Variants in ATN1 observed in about 807,000 individuals in gnomAD.
ATN1 encodes atrophin-1.
In ATN1, 19 loss-of-function variants were observed where a neutral mutation model predicts 85.8. That is an observed-to-expected ratio of 0.22 (90% CI 0.15 to 0.32). The LOEUF is 0.32. Among genes scored for constraint, ATN1 ranks in the 10% least tolerant of loss-of-function variants. ATN1 has a pLI of 1.00. For synonymous variants in ATN1, 674 were observed against 657.0 expected (o/e 1.03, Z -0.39); for missense variants, 1,453 against 1,564.5 (o/e 0.93, Z 1.20).
At chr12:6,933,705 T>C in intron 1 of ATN1, 135 bp from the exon 2 acceptor site, 1 of 499,174 alleles carries the variant, frequency 2.0e-6, no homozygotes, top group Non-Finnish European at 3.6e-6. Flanking sequence ...ATGCCAGCAA[T>C]GTCTTGTGGT....
chr12:6,934,529 C>G lies in ATN1; in HGVS notation c.230C>G (p.Ser77Ter). The part of the protein sequence containing the change: ...VNKQGRSEEI[S>*]ESESEETNAP... ...AAGCAGGGTCGGAGTGAGGAGATCT[C>G]AGAGAGTGAAAGTGAGGAGACCAAT... The change falls in exon 4 of 10, where the codon TCA (serine) becomes TGA (stop). Residue 77 changes from serine to a stop codon, truncating the protein, a stop_gained. Coordinates refer to ENST00000396684, the MANE Select transcript of ATN1 (RefSeq NM_001940.4). LOFTEE classifies it high-confidence loss of function. This position sits in a 1 kb window ranked among gnomAD's most constrained non-coding sequence, Gnocchi z 4.5. 6.3e-7 allele frequency: 1 copy of G among 1,580,956 alleles called. No homozygotes were observed. Among genetic ancestry groups the G allele is most frequent in the Non-Finnish European group, 8.6e-7 (1 of 1,162,826 alleles).
Position 6,934,025 on chromosome 12 carries a change from C to T in ATN1, c.24C>T (p.Asp8=). The change falls in exon 2 of 10, where the codon GAC becomes GAT. Residue 8 remains aspartate (D), a synonymous_variant. Transcript: ENST00000396684. This position sits in a 1 kb window ranked among gnomAD's most constrained non-coding sequence, Gnocchi z 4.5. Reference sequence around the variant, plus strand: ...GAATGAAGACACGACAGAATAAAGACTCGGTGAGTTAAAATGAGAGACATG... The same window carrying T: ...GAATGAAGACACGACAGAATAAAGATTCGGTGAGTTAAAATGAGAGACATG... MKTRQNK[D]SMSMRSGRKK... 6.2e-7 allele frequency: 1 copy of T among 1,609,080 alleles called. No individual in the cohort carries two copies.
intron 1 of ATN1, 84 bp from the exon 2 acceptor site, chr12:6,933,756 T>A: frequency 3.4e-6 from 2 of 591,608 alleles, no homozygotes; most frequent in South Asian, 4.1e-5. Context: ...TTGGGCCGCT[T>A]GCTCAGTTCT....
intron 1 of ATN1, among the ~76,000 whole-genome samples, chr12:6,928,893 G>T (rs1361700520): frequency 6.6e-6 from 1 of 152,178 alleles, no homozygotes; most frequent in Admixed American, 6.5e-5. Context: ...AGTGGGAAAC[G>T]GGAAAGGGGT....
chr12:6,941,617 A>G lies in ATN1; in HGVS notation c.3539+63A>G. On this transcript the variant is annotated intron_variant, in intron 9 of 9. Transcript: ENST00000396684. The surrounding 1 kb of genome is among the most constrained non-coding windows in gnomAD (Gnocchi z 5.9). ...AGCGAGCCTGGGAGGAGCTGTGGGC[A>G]TGGTACGGCTGGGCACCGTGCTCCT... 6.2e-7 allele frequency: 1 copy of G among 1,604,680 alleles called. No individual in the cohort carries two copies. Among genetic ancestry groups the G allele is most frequent in the Non-Finnish European group, 8.5e-7 (1 of 1,172,540 alleles).
At position 6,928,232 on chromosome 12, in the gene ATN1, C is replaced by T. The variant is rs1287636536; in HGVS notation, c.-315C>T. ...AAAAGGGGGGATGGGGGCCGCCCTC[C>T]GGGGGGGTCGGGGCCGCCGCCGCCG... On this transcript the variant is annotated 5_prime_UTR_variant, in exon 1 of 10. Coordinates refer to ENST00000396684, the MANE Select transcript of ATN1 (RefSeq NM_001940.4). 1.7e-5 allele frequency: 1 copy of T among 58,182 alleles called. No individual in the cohort carries two copies. Among genetic ancestry groups the T allele is most frequent in the African/African-American group, 6.6e-5 (1 of 15,088 alleles). The allele number at this position is 58,182 out of a possible 1,614,324, so 3.6% of individuals were successfully genotyped here.
Position 6,927,962 on chromosome 12 carries a change from C to T in ATN1, c.-585C>T, listed in dbSNP as rs1555142756. Among the ~76,000 whole-genome samples the T allele has an allele frequency of 1.4e-5, 2 of 145,928 alleles. No individual in the cohort carries two copies. The highest frequency in any genetic ancestry group is 3.0e-5 in the Non-Finnish European group (2 of 65,812). On this transcript the variant is annotated 5_prime_UTR_variant, in exon 1 of 10. Coordinates refer to ENST00000396684, the MANE Select transcript of ATN1 (RefSeq NM_001940.4). ...CCGGGGAAGGGGCGGGGGCCGCGGG[C>T]GAGGCGGCCGAGGGGCCCGGGATCG...
rs1384643398 is a variant in ATN1, at chr12:6,941,505, C to A, written c.3490C>A (p.His1164Asn). The A allele has an allele frequency of 1.9e-5, 30 of 1,612,614 alleles. No individual in the cohort carries two copies. The highest frequency in any genetic ancestry group is 2.5e-5 in the Non-Finnish European group (30 of 1,179,960). The change falls in exon 9 of 10, where the codon CAT (histidine) becomes AAT (asparagine). Residue 1164 changes from histidine to asparagine, a missense_variant. His to Asn is a moderately conservative substitution (Grantham distance 68). This residue lies in a region of ATN1 where 118 missense variants were observed against 163.7 expected (regional missense o/e 0.72). Coordinates refer to ENST00000396684, the MANE Select transcript of ATN1 (RefSeq NM_001940.4). The surrounding 1 kb of genome is among the most constrained non-coding windows in gnomAD (Gnocchi z 5.9). ...ALEQQQWLHA[H>N]HPLHSVPLPA... Reference sequence around the variant, plus strand: ...GGAACAGCAGCAGTGGCTGCATGCCCATCACCCGCTGCACAGTGTGCCGCT... The same window carrying A: ...GGAACAGCAGCAGTGGCTGCATGCCAATCACCCGCTGCACAGTGTGCCGCT...
At position 6,941,353 on chromosome 12, in the gene ATN1, C is replaced by T. The variant is rs782251517; in HGVS notation, c.3359-21C>T. On this transcript the variant is annotated intron_variant, in intron 8 of 9. Transcript: ENST00000396684. This position sits in a 1 kb window ranked among gnomAD's most constrained non-coding sequence, Gnocchi z 5.9. ...ACTTGTTATCCGTTGGTCATATGCCCCTTGCCCTTCCTGCTCACAGCTGCC... is the reference window on the plus strand; with the variant it reads ...ACTTGTTATCCGTTGGTCATATGCCTCTTGCCCTTCCTGCTCACAGCTGCC... The T allele has an allele frequency of 1.3e-5, 21 of 1,581,210 alleles. No individual in the cohort carries two copies. The South Asian group carries it at 2.3e-4, about 17-fold the overall frequency.
intron 1 of ATN1, among the ~76,000 whole-genome samples, chr12:6,930,353 G>C (rs74685094): frequency 0.017 from 2,639 of 152,246 alleles, 38 homozygotes; most frequent in Middle Eastern, 0.031. Context: ...TAGCCTGCGA[G>C]CCCCTCCCAG....
chr12:6,933,782 GTAT>G, intron 1 of ATN1, 55 bp from the exon 2 acceptor site: 1 of 620,658 alleles, frequency 1.6e-6, no homozygotes, highest in Non-Finnish European at 2.9e-6. Flanking sequence ...AAGCAGAATA[GTAT>G]TCCTTTGTGA....
At position 6,941,712 on chromosome 12, in the gene ATN1, T is replaced by C. The variant is rs782414755; in HGVS notation, c.3540-35T>C. 1.2e-6 allele frequency: 2 copies of C among 1,612,494 alleles called. No individual in the cohort carries two copies. Among genetic ancestry groups the C allele is most frequent in the African/African-American group, 1.3e-5 (1 of 74,942 alleles). ...GCAAGGTCAGAGTTGGTCTCAAGTC[T>C]CTTACCTCTCTGCTATGCACTGCCC... On this transcript the variant is annotated intron_variant, in intron 9 of 9. Coordinates refer to ENST00000396684, the MANE Select transcript of ATN1 (RefSeq NM_001940.4). This position sits in a 1 kb window ranked among gnomAD's most constrained non-coding sequence, Gnocchi z 5.9.
upstream of ATN1, among the ~76,000 whole-genome samples, chr12:6,925,117 C>CGTGTGCGTGTGTGTGT (rs1555142455): frequency 7.0e-6 from 1 of 143,718 alleles, no homozygotes; most frequent in African/African-American, 2.7e-5. Context: ...TGTGCGTGTG[C>CGTGTGCGTGTGTGTGT]GTGTGTGTGT....
In ATN1 at chr12:6,937,817, G is replaced by A; in HGVS notation, c.2295-28G>A. Reference sequence around the variant, plus strand: ...CTCCATCGGGCAGCTCGCACCGCCTGAGCGCCCGCTGCTTCCACGCCCGGC... The same window carrying A: ...CTCCATCGGGCAGCTCGCACCGCCTAAGCGCCCGCTGCTTCCACGCCCGGC... On this transcript the variant is annotated intron_variant, in intron 5 of 9. Transcript: ENST00000396684. The surrounding 1 kb of genome is among the most constrained non-coding windows in gnomAD (Gnocchi z 6.0). 1 of 1,528,570 alleles carries A rather than the reference G, an allele frequency of 6.5e-7. No individual in the cohort carries two copies. Among genetic ancestry groups the A allele is most frequent in the Non-Finnish European group, 8.8e-7 (1 of 1,136,518 alleles). 94.7% of individuals were successfully genotyped at this position (1,528,570 alleles called of 1,614,324 possible).
upstream of ATN1, among the ~76,000 whole-genome samples, chr12:6,927,492 C>T (rs1337624638): frequency 6.6e-6 from 1 of 151,894 alleles, no homozygotes; most frequent in Non-Finnish European, 1.5e-5. Flanking sequence ...TTCAGCCTCC[C>T]CTCATCTGCC....
Position 6,941,975 on chromosome 12 carries a change from G to C in ATN1, c.*195G>C, listed in dbSNP as rs1945642554. 8.2e-6 allele frequency: 5 copies of C among 609,628 alleles called. No homozygotes were observed. Among genetic ancestry groups the C allele is most frequent in the Admixed American group, 2.9e-5 (1 of 34,382 alleles). The allele number at this position is 609,628 out of a possible 1,614,324, so 37.8% of individuals were successfully genotyped here. A position where few individuals can be genotyped will look rare whatever the true frequency, so the allele number is the denominator to read the frequency against. ...AGGCCCGATGTGGTGTGCAGAGGTGGGGAGGTGGCGAGGATGGGGACAGAA... is the reference window on the plus strand; with the variant it reads ...AGGCCCGATGTGGTGTGCAGAGGTGCGGAGGTGGCGAGGATGGGGACAGAA... On this transcript the variant is annotated 3_prime_UTR_variant, in exon 10 of 10. Transcript: ENST00000396684. The surrounding 1 kb of genome is among the most constrained non-coding windows in gnomAD (Gnocchi z 5.9).
At chr12:6,930,045 G>A (rs1025480693) in intron 1 of ATN1, among the ~76,000 whole-genome samples, 1 of 152,238 alleles carries the variant, frequency 6.6e-6, no homozygotes, top group Non-Finnish European at 1.5e-5. Context: ...ACAGCTTCAT[G>A]CAGGGGAAAT....
chr12:6,936,991 C>A lies in ATN1; in HGVS notation c.1724C>A (p.Ser575Tyr), dbSNP rs782655344. Residue 575 changes from serine to tyrosine, a missense_variant, in exon 5 of 10, where the codon TCC becomes TAC. This residue lies in a region of ATN1 where 990 missense variants were observed against 914.8 expected (regional missense o/e 1.08). Coordinates refer to ENST00000396684, the MANE Select transcript of ATN1 (RefSeq NM_001940.4). The stretch of plus-strand genomic sequence containing the variant: ...CCAGTCTCTTCCTCTTCCAACTCTT[C>A]CTCTTCCACTTCTCAAGGGTCCTAC... ...GPPVSSSSNS[S>Y]SSTSQGSYPC... The A allele has an allele frequency of 2.0e-5, 32 of 1,613,500 alleles. No homozygotes were observed. Among genetic ancestry groups the A allele is most frequent in the East Asian group, 8.9e-5 (4 of 44,862 alleles).
upstream of ATN1, among the ~76,000 whole-genome samples, chr12:6,927,220 A>G (rs904362492): frequency 3.4e-5 from 5 of 148,074 alleles, no homozygotes; most frequent in African/African-American, 1.3e-4. Context: ...ATCTTTCTAT[A>G]TATGTCATCT....
Sources: gnomAD v4.1 joint callset for allele counts (sites outside exome capture counted in the v4.1 genomes callset) on GRCh38, gnomAD v4.1.1 for gene constraint, gnomAD v4.1.1 regional missense constraint, Gnocchi (gnomAD v3.1) non-coding constraint, MANE v1.5 for transcripts, NCBI Gene and HGNC (gene_info 2026-07-23, HGNC 2026-07-21) for gene names.